The following ALCAM variants were observed in gnomAD, a reference collection of about 807,000 sequenced individuals.
ALCAM encodes the protein CD166 antigen.
A neutral mutation model predicts 70.9 loss-of-function variants in ALCAM; 30 were observed. The observed-to-expected ratio is 0.42, with a 90% confidence interval of 0.32 to 0.57. The LOEUF (loss-of-function observed/expected upper bound fraction) is 0.57. ALCAM is among the 20% of genes least tolerant of loss of function. The pLI, the probability that ALCAM is intolerant of heterozygous loss-of-function variation, is 0.11. For missense variants in ALCAM, 591 were observed against 695.1 expected (o/e 0.85, Z 1.68); for synonymous variants, 249 against 242.5 (o/e 1.03, Z -0.25).
At chr3:105,413,408 G>A (rs1199492740) in intron 1 of ALCAM, among the ~76,000 whole-genome samples, 1 of 152,050 alleles carries the variant, frequency 6.6e-6, no homozygotes, top group African/African-American at 2.4e-5. Context: ...AATAAGAATA[G>A]AAAATAGTGT....
chr3:105,482,153 C>A (rs1246089158), intron 1 of ALCAM, among the ~76,000 whole-genome samples: 1 of 152,128 alleles, frequency 6.6e-6, no homozygotes, highest in East Asian at 1.9e-4. Context: ...CACTCTGTCG[C>A]CCACGCTAGA....
intron 1 of ALCAM, among the ~76,000 whole-genome samples, chr3:105,465,015 A>G (rs994571299): frequency 6.6e-6 from 1 of 151,470 alleles, no homozygotes; most frequent in Non-Finnish European, 1.5e-5. Context: ...TCTGAATTTC[A>G]TATAAATGAA....
chr3:105,572,395 C>T (rs561663276), intron 15 of ALCAM, among the ~76,000 whole-genome samples: 3 of 152,234 alleles, frequency 2.0e-5, no homozygotes, highest in Non-Finnish European at 2.9e-5. Context: ...CATCCATGTC[C>T]TTACAAAGGA....
intron 1 of ALCAM, among the ~76,000 whole-genome samples, chr3:105,438,698 C>G (rs1220744471): frequency 6.6e-6 from 1 of 152,046 alleles, no homozygotes; most frequent in Non-Finnish European, 1.5e-5. Flanking sequence ...TGTGATGAAG[C>G]AATCATGTTG....
In ALCAM at chr3:105,438,033, G is replaced by C. The variant is rs1937089567; in HGVS notation, c.73+70552G>C. Among the ~76,000 whole-genome samples the C allele has an allele frequency of 1.3e-5, 2 of 152,012 alleles. 1 individual carries two copies. Among genetic ancestry groups the C allele is most frequent in the Admixed American group, 1.3e-4 (2 of 15,264 alleles). ...CCTATGATGTAAAATAAACTTGAAA[G>C]CAAGAATTTTCCCTCTGCTGCCCAC... On this transcript the variant is annotated intron_variant, in intron 1 of 15. Transcript: ENST00000306107.
chr3:105,490,479 A>C (rs1031010219), intron 1 of ALCAM, among the ~76,000 whole-genome samples: 1 of 152,168 alleles, frequency 6.6e-6, no homozygotes, highest in African/African-American at 2.4e-5. Context: ...CTTGTGTTCT[A>C]TGAGTCTTTA....
intron 1 of ALCAM, among the ~76,000 whole-genome samples, chr3:105,405,714 C>T (rs1430034072): frequency 6.6e-6 from 1 of 152,128 alleles, no homozygotes; most frequent in Non-Finnish European, 1.5e-5. Flanking sequence ...TCTCTCAGAC[C>T]ACAGTGGAGT....
At chr3:105,377,276 G>A (rs1935402171) in intron 1 of ALCAM, among the ~76,000 whole-genome samples, 1 of 151,890 alleles carries the variant, frequency 6.6e-6, no homozygotes, top group Non-Finnish European at 1.5e-5. Context: ...CCAATCTTTC[G>A]TTATTACAAA....
At position 105,523,001 on chromosome 3, in the gene ALCAM, G is replaced by A. The variant is rs1318022043; in HGVS notation, c.175-1288G>A. On this transcript the variant is annotated intron_variant, in intron 2 of 15. Coordinates refer to ENST00000306107, the MANE Select transcript of ALCAM (RefSeq NM_001627.4). Reference sequence around the variant, plus strand: ...AAAAATACAAAAAAATTAGCCAGGCGTGGTGGCGCGTGCCTGTAGTCCCAG... The same window carrying A: ...AAAAATACAAAAAAATTAGCCAGGCATGGTGGCGCGTGCCTGTAGTCCCAG... Among the ~76,000 whole-genome samples the A allele has an allele frequency of 2.6e-5, 4 of 151,938 alleles. No homozygotes were observed. In the East Asian group the frequency reaches 5.8e-4, roughly 22 times the overall value.
intron 11 of ALCAM, among the ~76,000 whole-genome samples, chr3:105,549,809 T>G (rs57758302): frequency 0.42 from 64,047 of 151,190 alleles, 14,573 homozygotes; most frequent in East Asian, 0.68. Flanking sequence ...GTTTAAATAG[T>G]CACCAATTAA....
At chr3:105,547,654 G>C in intron 11 of ALCAM, 131 bp downstream of exon 11, 1 of 1,109,444 alleles carries the variant, frequency 9.0e-7, no homozygotes, top group Non-Finnish European at 1.3e-6. Flanking sequence ...TTACCACATA[G>C]AATTTGCAGT....
intron 1 of ALCAM, among the ~76,000 whole-genome samples, chr3:105,425,617 C>T (rs1438809115): frequency 6.6e-6 from 1 of 151,728 alleles, no homozygotes; most frequent in African/African-American, 2.4e-5. Flanking sequence ...TTTTAATTAG[C>T]TTCTGATTAA....
At chr3:105,502,848 A>G (rs764205436) in intron 1 of ALCAM, among the ~76,000 whole-genome samples, 6 of 152,226 alleles carry the variant, frequency 3.9e-5, no homozygotes, top group Non-Finnish European at 7.3e-5. Flanking sequence ...AGAGCTTTAC[A>G]TGAGGTCCTT....
At chr3:105,507,501 A>G (rs934531184) in intron 1 of ALCAM, among the ~76,000 whole-genome samples, 3 of 152,194 alleles carry the variant, frequency 2.0e-5, no homozygotes, top group Admixed American at 6.5e-5. Context: ...CCAGAATGGC[A>G]TATAGTTGGA....
At chr3:105,460,201 A>G (rs967316831) in intron 1 of ALCAM, among the ~76,000 whole-genome samples, 14 of 151,988 alleles carry the variant, frequency 9.2e-5, no homozygotes, top group Middle Eastern at 3.2e-3. Context: ...TTTTGTCGTT[A>G]TGAAATCCAC....
At chr3:105,528,427 TC>T (rs1195235907) in intron 3 of ALCAM, among the ~76,000 whole-genome samples, 3 of 152,176 alleles carry the variant, frequency 2.0e-5, no homozygotes, top group African/African-American at 7.2e-5. Flanking sequence ...CTATAAAATC[TC>T]CTGTATAACT....
rs1239630004 is a variant in ALCAM, at chr3:105,540,011, C to T, written c.767C>T (p.Pro256Leu). ...TEQVTIQVLP[P>L]KNAIKEGDNI... The stretch of plus-strand genomic sequence containing the variant: ...CAGGTGACAATACAAGTGCTGCCAC[C>T]AAAAAATGCCATCAAAGAAGGGGAT... The change falls in exon 7 of 16, where the codon CCA becomes CTA. Residue 256 changes from proline to leucine, a missense_variant. By Grantham distance (98) the Pro-to-Leu change is moderately conservative. This residue lies in a region of ALCAM where 427 missense variants were observed against 450.4 expected (regional missense o/e 0.95). Coordinates refer to ENST00000306107, the MANE Select transcript of ALCAM (RefSeq NM_001627.4). 2 of 1,612,152 alleles carry T rather than the reference C, an allele frequency of 1.2e-6. No homozygotes were observed. The highest frequency in any genetic ancestry group is 1.7e-5 in the Admixed American group (1 of 59,866).
At chr3:105,407,363 T>C (rs1287902823) in intron 1 of ALCAM, among the ~76,000 whole-genome samples, 2 of 151,962 alleles carry the variant, frequency 1.3e-5, no homozygotes, top group African/African-American at 4.8e-5. Flanking sequence ...ATCAAAAAGA[T>C]AGTCCACCAA....
At chr3:105,533,159 A>G (rs1939882187) in intron 4 of ALCAM, among the ~76,000 whole-genome samples, 3 of 152,166 alleles carry the variant, frequency 2.0e-5, no homozygotes, top group Non-Finnish European at 4.4e-5. Flanking sequence ...AGAGCATGAT[A>G]ATGTATATCC....
Sources: gnomAD v4.1 joint callset for allele counts (sites outside exome capture counted in the v4.1 genomes callset) on GRCh38, gnomAD v4.1.1 for gene constraint, gnomAD v4.1.1 regional missense constraint, MANE v1.5 for transcripts, NCBI Gene and HGNC (gene_info 2026-07-23, HGNC 2026-07-21) for gene names.